Variants in PCDHGA8 observed in about 807,000 individuals in gnomAD.
The protein encoded by PCDHGA8 is protocadherin gamma subfamily A, 8.
A neutral mutation model predicts 59.2 loss-of-function variants in PCDHGA8; 45 were observed. The ratio of observed to expected loss-of-function variants is 0.76; its 90% CI spans 0.60 to 0.98. The LOEUF (loss-of-function observed/expected upper bound fraction) is 0.98. Among genes scored for constraint, PCDHGA8 ranks in the 50% least tolerant of loss-of-function variants. The pLI is 0.00. For synonymous variants in PCDHGA8, 531 were observed against 519.0 expected, an observed-to-expected ratio of 1.02 and a Z score of -0.32; for missense variants, 1,257 against 1,196.2, an observed-to-expected ratio of 1.05 and a Z score of -0.75.
rs768206517 is a variant in PCDHGA8 at position 141,432,482 on chromosome 5, G to C, written c.2424+37245G>C. 6.2e-7 allele frequency: 1 copy of C among 1,614,178 alleles called. No individual in the cohort carries two copies. Among genetic ancestry groups the C allele is most frequent in the South Asian group, 1.1e-5 (1 of 91,074 alleles). ...CCTCCCCACGGACGGTTCCACTGGC[G>C]TGGAGCTGGCTCCCCGCTCCGCAGA... On this transcript the variant is annotated intron_variant, in intron 1 of 3. Coordinates refer to ENST00000398604, the MANE Select transcript of PCDHGA8 (RefSeq NM_032088.2). The surrounding 1 kb of genome is among the most constrained non-coding windows in gnomAD (Gnocchi z 6.0).
Position 141,485,046 on chromosome 5 carries a change from G to A in PCDHGA8, c.2425-9761G>A. On this transcript the variant is annotated intron_variant, in intron 1 of 3. Transcript: ENST00000398604. This position sits in a 1 kb window ranked among gnomAD's most constrained non-coding sequence, Gnocchi z 5.7. ...AAAAACGGCGCGTAACCCTTGCGGCGCCGGCCGAACCGCGCCAGAGCTGGC... is the reference window on the plus strand; with the variant it reads ...AAAAACGGCGCGTAACCCTTGCGGCACCGGCCGAACCGCGCCAGAGCTGGC... 2 of 750,304 alleles carry A rather than the reference G, an allele frequency of 2.7e-6. No individual in the cohort carries two copies. The highest frequency in any genetic ancestry group is 4.5e-6 in the Non-Finnish European group (2 of 443,046). The allele number at this position is 750,304 out of a possible 1,614,324, so 46.5% of individuals were successfully genotyped here. A position where few individuals can be genotyped will look rare whatever the true frequency, so the allele number is the denominator to read the frequency against.
chr5:141,505,925 C>T (rs1161562658), intron 3 of PCDHGA8, among the ~76,000 whole-genome samples: 4 of 152,140 alleles, frequency 2.6e-5, no homozygotes, highest in Admixed American at 1.3e-4. Context: ...CTGGGCCTGG[C>T]GCTTGGAAGC....
intron 1 of PCDHGA8, among the ~76,000 whole-genome samples, chr5:141,429,654 T>C (rs1373502548): frequency 6.6e-6 from 1 of 152,232 alleles, no homozygotes; most frequent in Non-Finnish European, 1.5e-5. Context: ...TTCTTCCCAA[T>C]TTAAAATATA....
intron 1 of PCDHGA8, chr5:141,419,960 G>A (rs773071584): frequency 5.0e-6 from 8 of 1,613,960 alleles, no homozygotes; most frequent in South Asian, 4.4e-5. Context: ...CTTGATTTCT[G>A]TGCTCTTTCT....
At chr5:141,452,781 A>G (rs575869415) in intron 1 of PCDHGA8, among the ~76,000 whole-genome samples, 10 of 152,302 alleles carry the variant, frequency 6.6e-5, no homozygotes, top group African/African-American at 2.4e-4. Flanking sequence ...CTGAGAAAGT[A>G]ACATACCATC....
intron 1 of PCDHGA8, chr5:141,423,540 C>T (rs961504938): frequency 6.2e-7 from 1 of 1,613,606 alleles, no homozygotes; most frequent in Non-Finnish European, 8.5e-7. Context: ...ACCTGATTTT[C>T]CCCCAGCCCA....
Position 141,477,128 on chromosome 5 carries a change from G to C in PCDHGA8, c.2425-17679G>C. On this transcript the variant is annotated intron_variant, in intron 1 of 3. Transcript: ENST00000398604. The surrounding 1 kb of genome is among the most constrained non-coding windows in gnomAD (Gnocchi z 4.9). ...CAATCCCGAAGGAGCACATTGCAAA[G>C]TGTTGGTGGAGGTTGTGGATGTGAA... 1.9e-6 allele frequency: 3 copies of C among 1,614,250 alleles called. No homozygotes were observed. The highest frequency in any genetic ancestry group is 2.5e-6 in the Non-Finnish European group (3 of 1,180,046).
intron 1 of PCDHGA8, chr5:141,396,034 A>G (rs968115375): frequency 1.3e-5 from 2 of 152,256 alleles, no homozygotes; most frequent in African/African-American, 2.4e-5. Context: ...ATGTAAGAAC[A>G]TATTTCAATA....
In PCDHGA8 at chr5:141,432,167, T is replaced by G. The variant is rs559707772; in HGVS notation, c.2424+36930T>G. The G allele has an allele frequency of 1.4e-5, 22 of 1,613,962 alleles. No homozygotes were observed. The highest frequency in any genetic ancestry group is 9.3e-5 in the African/African-American group (7 of 74,972). On this transcript the variant is annotated intron_variant, in intron 1 of 3. Coordinates refer to ENST00000398604, the MANE Select transcript of PCDHGA8 (RefSeq NM_032088.2). The surrounding 1 kb of genome is among the most constrained non-coding windows in gnomAD (Gnocchi z 6.0). Reference sequence around the variant, plus strand: ...CCCAGAGAACAATCCCAGAGGAGTTTCCCTCGTCTCTGTGACCGCCCACGA... The same window carrying G: ...CCCAGAGAACAATCCCAGAGGAGTTGCCCTCGTCTCTGTGACCGCCCACGA...
At chr5:141,411,951 G>A (rs1589812278) in intron 1 of PCDHGA8, 1 of 152,252 alleles carries the variant, frequency 6.6e-6, no homozygotes, top group African/African-American at 2.4e-5. Context: ...GATTTTTGAA[G>A]AAAAAAGATA....
Position 141,418,036 on chromosome 5 carries a change from G to C in PCDHGA8, c.2424+22799G>C, listed in dbSNP as rs933500300. ...CTAAGGATCTAGGGCTTAGTGTCCT[G>C]GATGTGTCGGCTCGCGAGCTGCGAG... On this transcript the variant is annotated intron_variant, in intron 1 of 3. Coordinates refer to ENST00000398604, the MANE Select transcript of PCDHGA8 (RefSeq NM_032088.2). 3.7e-6 allele frequency: 6 copies of C among 1,613,902 alleles called. No individual in the cohort carries two copies. The African/African-American group carries it at 8.0e-5, about 22-fold the overall frequency.
At chr5:141,412,890 T>G (rs2095584785) in intron 1 of PCDHGA8, 1 of 330,212 alleles carries the variant, frequency 3.0e-6, no homozygotes, top group Non-Finnish European at 5.4e-6. Context: ...AACAGAATAG[T>G]TTACTTTCCA....
intron 1 of PCDHGA8, chr5:141,399,248 A>G (rs2150780633): frequency 6.2e-7 from 1 of 1,613,870 alleles, no homozygotes; most frequent in South Asian, 1.1e-5. Context: ...GATTCTGGGG[A>G]AAATGGGGAG....
chr5:141,400,194 G>T (rs2093978875), intron 1 of PCDHGA8: 2 of 1,614,034 alleles, frequency 1.2e-6, no homozygotes, highest in Non-Finnish European at 1.7e-6. Flanking sequence ...TTTACCTAGT[G>T]GTGGCCTTGG....
At chr5:141,401,239 G>A (rs1024455506) in intron 1 of PCDHGA8, among the ~76,000 whole-genome samples, 6 of 152,154 alleles carry the variant, frequency 3.9e-5, no homozygotes, top group Admixed American at 6.5e-5. Flanking sequence ...CTACTCAGGA[G>A]GCTAAGACAG....
chr5:141,466,812 G>A (rs1394979761), intron 1 of PCDHGA8, among the ~76,000 whole-genome samples: 3 of 151,940 alleles, frequency 2.0e-5, no homozygotes, highest in Non-Finnish European at 4.4e-5. Flanking sequence ...ATTCAGACAT[G>A]GTATAACAAG....
chr5:141,509,320 C>T (rs1261653347), intron 3 of PCDHGA8, among the ~76,000 whole-genome samples: 2 of 152,194 alleles, frequency 1.3e-5, no homozygotes, highest in East Asian at 3.8e-4. Flanking sequence ...GGGAGAGAAG[C>T]TCTACTGCCA....
At chr5:141,421,423 C>T in intron 1 of PCDHGA8, 1 of 1,614,052 alleles carries the variant, frequency 6.2e-7, no homozygotes, top group Non-Finnish European at 8.5e-7. Context: ...GCGCGGAGTC[C>T]GCATCGTCTC....
chr5:141,487,256 G>A lies in PCDHGA8; in HGVS notation c.2425-7551G>A. ...ATCTCGTCTAACCCTCTACTTGGCTGTGTCCCTAGTGGCAATTTGCTTTGT... is the reference window on the plus strand; with the variant it reads ...ATCTCGTCTAACCCTCTACTTGGCTATGTCCCTAGTGGCAATTTGCTTTGT... On this transcript the variant is annotated intron_variant, in intron 1 of 3. Transcript: ENST00000398604. The surrounding 1 kb of genome is among the most constrained non-coding windows in gnomAD (Gnocchi z 5.0). The A allele has an allele frequency of 6.2e-7, 1 of 1,614,166 alleles. No individual in the cohort carries two copies. The highest frequency in any genetic ancestry group is 8.5e-7 in the Non-Finnish European group (1 of 1,180,032).
Sources: allele counts gnomAD v4.1 joint callset (sites outside exome capture counted in the v4.1 genomes callset), GRCh38; gene constraint gnomAD v4.1.1; non-coding constraint Gnocchi (gnomAD v3.1); transcripts MANE v1.5; gene names NCBI Gene and HGNC (gene_info 2026-07-23, HGNC 2026-07-21).